The following DEFB1 variants were observed in gnomAD, a reference collection of about 807,000 sequenced individuals.
DEFB1 encodes beta-defensin 1.
In DEFB1, 4 loss-of-function variants were observed where a neutral mutation model predicts 2.6. That is an observed-to-expected ratio of 1.53 (90% CI 0.76 to 3.51). DEFB1 has a LOEUF of 3.51. Among genes scored for constraint, DEFB1 ranks in the 30% most tolerant of loss-of-function variants. The probability of loss-of-function intolerance (pLI) is 0.01; values close to 1 mark genes in which losing one functional copy is unlikely to be tolerated. For missense variants in DEFB1, 162 were observed against 76.9 expected (o/e 2.11, Z -4.14); for synonymous variants, 56 against 28.5 (o/e 1.96, Z -3.07).
intron 1 of DEFB1, among the ~76,000 whole-genome samples, chr8:6,876,818 CAAAAACA>C (rs1437809883): frequency 5.5e-3 from 243 of 44,578 alleles, no homozygotes; most frequent in African/African-American, 0.015. Context: ...AAAAGCAAAG[CAAAAACA>C]AAAACCAAAA....
intron 1 of DEFB1, among the ~76,000 whole-genome samples, chr8:6,876,550 C>A (rs978420837): frequency 5.3e-5 from 8 of 151,972 alleles, no homozygotes; most frequent in East Asian, 1.9e-4. Context: ...AATCCCAGAA[C>A]TTTGGGAGTC....
chr8:6,872,978 G>T (rs1413171234), intron 1 of DEFB1, among the ~76,000 whole-genome samples: 1 of 152,184 alleles, frequency 6.6e-6, no homozygotes, highest in Non-Finnish European at 1.5e-5. Context: ...GAGATCAACT[G>T]AGCATATAAA....
At chr8:6,876,877 T>C (rs540597123) in intron 1 of DEFB1, among the ~76,000 whole-genome samples, 1 of 150,488 alleles carries the variant, frequency 6.6e-6, no homozygotes, top group African/African-American at 2.4e-5. Flanking sequence ...AAATCCATTG[T>C]AGCAACTGGC....
At chr8:6,874,329 C>G (rs868824138) in intron 1 of DEFB1, among the ~76,000 whole-genome samples, 2 of 149,124 alleles carry the variant, frequency 1.3e-5, no homozygotes, top group Non-Finnish European at 3.0e-5. Context: ...AGTGGAAATG[C>G]TCTGTTAAAG....
chr8:6,874,812 T>C (rs931150377), intron 1 of DEFB1, among the ~76,000 whole-genome samples: 1 of 151,982 alleles, frequency 6.6e-6, no homozygotes, highest in Non-Finnish European at 1.5e-5. Flanking sequence ...TGAAACCTGC[T>C]CTCTACTAAA....
At chr8:6,875,047 G>A (rs1442261197) in intron 1 of DEFB1, among the ~76,000 whole-genome samples, 2 of 142,784 alleles carry the variant, frequency 1.4e-5, no homozygotes, top group Admixed American at 7.2e-5. Context: ...TAACTTGACC[G>A]TTACTTCATA....
At chr8:6,877,710 G>A (rs1806583831) in intron 1 of DEFB1, 87 bp downstream of exon 1, 4 of 1,227,186 alleles carry the variant, frequency 3.3e-6, no homozygotes, top group Admixed American at 3.6e-5. Flanking sequence ...CGTCCCTTGG[G>A]ACACGGAGGC....
chr8:6,875,109 C>CACACACA (rs71214967), intron 1 of DEFB1, among the ~76,000 whole-genome samples: 1 of 145,378 alleles, frequency 6.9e-6, no homozygotes, highest in African/African-American at 2.6e-5. Context: ...CACACACACA[C>CACACACA]CCCATTGCCA....
rs1326463713 is a variant in DEFB1, at chr8:6,870,682, C to T, written c.206G>A (p.Ter69=). 1.5e-5 allele frequency: 24 copies of T among 1,613,470 alleles called. No homozygotes were observed. The highest frequency in any genetic ancestry group is 2.2e-5 in the East Asian group (1 of 44,890). ...TCATTTCTTCTGGTCACTCCCAGCT[C>T]ACTTGCAGCACTTGGCCTTCCCTCT... is the stretch of plus-strand genomic sequence containing the variant. ...CYRGKAKCCK[*] The change falls in exon 2 of 2, where the codon TGA becomes TAA. Residue 69 remains the stop codon, a stop_retained_variant. Transcript: ENST00000297439.
intron 1 of DEFB1, 48 bp from the exon 2 acceptor site, chr8:6,870,874 A>T: frequency 7.0e-6 from 11 of 1,564,552 alleles, no homozygotes; most frequent in Non-Finnish European, 8.7e-6. Context: ...TTGTAGCTGC[A>T]ACGATTTGAG....
chr8:6,877,909 C>T lies in DEFB1; in HGVS notation c.-52G>A, dbSNP rs1799946. 566,649 of 1,557,256 alleles carry T rather than the reference C, an allele frequency of 0.36. 106,304 individuals carry two copies. Among genetic ancestry groups the T allele is most frequent in the African/African-American group, 0.56 (41,581 of 73,866 alleles). On this transcript the variant is annotated 5_prime_UTR_variant, in exon 1 of 2. Coordinates refer to ENST00000297439, the MANE Select transcript of DEFB1 (RefSeq NM_005218.4). ...TTCAGGAACTGGGGAGACGCTGGCT[C>T]CTTTGGAGGCTGAGCTGACAGAGGC...
chr8:6,870,951 C>T (rs1806290122), intron 1 of DEFB1, 125 bp from the exon 2 acceptor site: 2 of 1,091,304 alleles, frequency 1.8e-6, no homozygotes, highest in Non-Finnish European at 1.3e-6. Context: ...AAGAAATTGG[C>T]CCATGATTGA....
chr8:6,874,124 C>T (rs1584999729), intron 1 of DEFB1, among the ~76,000 whole-genome samples: 2 of 97,028 alleles, frequency 2.1e-5, no homozygotes, highest in South Asian at 7.4e-4. Context: ...GACATACACA[C>T]ACACACACAC....
At chr8:6,876,622 C>G (rs1806539165) in intron 1 of DEFB1, among the ~76,000 whole-genome samples, 1 of 151,814 alleles carries the variant, frequency 6.6e-6, no homozygotes, top group Non-Finnish European at 1.5e-5. Flanking sequence ...ACAGTAAGAC[C>G]TTATCTCTAC....
At chr8:6,877,687 G>A (rs143979968) in intron 1 of DEFB1, 110 bp downstream of exon 1, 11 of 983,742 alleles carry the variant, frequency 1.1e-5, no homozygotes, top group Admixed American at 4.2e-5. Flanking sequence ...ATGCTTTCCT[G>A]CTGCTTGTTC....
chr8:6,872,489 C>T (rs960616788), intron 1 of DEFB1, among the ~76,000 whole-genome samples: 3 of 152,010 alleles, frequency 2.0e-5, no homozygotes, highest in Non-Finnish European at 2.9e-5. Context: ...AGGCTTCAAA[C>T]GTTGGGAAGT....
Position 6,870,747 on chromosome 8 carries a change from A to C in DEFB1, c.141T>G (p.Ser47=), listed in dbSNP as rs763193701. 1 of 1,614,264 alleles carries C rather than the reference A, an allele frequency of 6.2e-7. No homozygotes were observed. Among genetic ancestry groups the C allele is most frequent in the Non-Finnish European group, 8.5e-7 (1 of 1,180,050 alleles). Residue 47 remains serine, a synonymous_variant, in exon 2 of 2, where the codon TCT becomes TCG. Transcript: ENST00000297439. ...CVSSGGQCLY[S]ACPIFTKIQG... is the part of the protein sequence containing the mutation. ...GAATTTTGGTAAAGATCGGGCAGGC[A>C]GAATAGAGACATTGCCCTCCACTGC...
chr8:6,872,638 G>A (rs1375273811), intron 1 of DEFB1, among the ~76,000 whole-genome samples: 1 of 152,136 alleles, frequency 6.6e-6, no homozygotes, highest in African/African-American at 2.4e-5. Flanking sequence ...AGGCACTCTG[G>A]TTCTCCCATC....
intron 1 of DEFB1, among the ~76,000 whole-genome samples, chr8:6,871,652 A>T (rs1423809931): frequency 1.3e-5 from 2 of 152,188 alleles, no homozygotes; most frequent in East Asian, 1.9e-4. Flanking sequence ...CAAGTTAAAC[A>T]CGGTCATTGG....
Sources: allele counts gnomAD v4.1 joint callset (sites outside exome capture counted in the v4.1 genomes callset), GRCh38; gene constraint gnomAD v4.1.1; transcripts MANE v1.5; gene names NCBI Gene and HGNC (gene_info 2026-07-23, HGNC 2026-07-21).